KIF21A: variants seen among roughly 807,000 people sequenced by gnomAD.
The protein encoded by KIF21A is kinesin family member 21A.
Under a neutral mutation model 202.9 loss-of-function variants are expected in KIF21A, and 114 were observed. The ratio of observed to expected loss-of-function variants is 0.56; its 90% CI spans 0.48 to 0.66. The LOEUF is 0.66. Among genes scored for constraint, KIF21A ranks in the 30% least tolerant of loss-of-function variants. The pLI is 0.00. For missense variants in KIF21A, 1,677 were observed against 1,994.9 expected (o/e 0.84, Z 3.04); for synonymous variants, 667 against 670.8 (o/e 0.99, Z 0.09).
At chr12:39,392,053 T>G (rs1476269529) in intron 1 of KIF21A, among the ~76,000 whole-genome samples, 1 of 152,050 alleles carries the variant, frequency 6.6e-6, no homozygotes, top group Non-Finnish European at 1.5e-5. Context: ...CTGCAATTTT[T>G]TAAAAGAAGC....
intron 1 of KIF21A, among the ~76,000 whole-genome samples, chr12:39,402,622 C>T (rs555931150): frequency 6.6e-6 from 1 of 152,248 alleles, no homozygotes; most frequent in East Asian, 1.9e-4. Context: ...TTTAATTTTA[C>T]CCAGTAACAT....
intron 1 of KIF21A, among the ~76,000 whole-genome samples, chr12:39,373,954 TG>T (rs1950117242): frequency 6.6e-6 from 1 of 152,146 alleles, no homozygotes; most frequent in Non-Finnish European, 1.5e-5. Context: ...ATCCAAGCAA[TG>T]GCAATTTTCC....
At chr12:39,363,039 A>G in intron 7 of KIF21A, 59 bp downstream of exon 7, 2 of 1,084,006 alleles carry the variant, frequency 1.8e-6, no homozygotes, top group East Asian at 2.4e-5. Flanking sequence ...ATCATCTTAC[A>G]AGCTTATTTA....
In KIF21A at chr12:39,332,949, C is replaced by G; in HGVS notation, c.2646G>C (p.Met882Ile). Residue 882 changes from methionine to isoleucine, a missense_variant, in exon 19 of 38, where the codon ATG (methionine) becomes ATC (isoleucine). Physicochemically the swap from Met to Ile is conservative, Grantham distance 10. Transcript: ENST00000361418. ...CCTGGACTCTCGCCACAGGAATTCT[C>G]ATTTTCTGCTGGGCTCCTGTCCTTG... Reference protein sequence around the residue: ...DASRTGAQQKMRIPVARVQAL... With the variant: ...DASRTGAQQKIRIPVARVQAL... 6.2e-7 allele frequency: 1 copy of G among 1,614,156 alleles called. No individual in the cohort carries two copies. Among genetic ancestry groups the G allele is most frequent in the East Asian group, 2.2e-5 (1 of 44,878 alleles).
chr12:39,311,711 G>T, intron 31 of KIF21A, 158 bp from the exon 32 acceptor site: 1 of 711,074 alleles, frequency 1.4e-6, no homozygotes, highest in South Asian at 1.6e-5. Flanking sequence ...AGGACAAAGT[G>T]TGAAATAATA....
intron 24 of KIF21A, among the ~76,000 whole-genome samples, chr12:39,328,657 G>T (rs1278201501): frequency 6.6e-6 from 1 of 152,120 alleles, no homozygotes; most frequent in Non-Finnish European, 1.5e-5. Context: ...CTACCCTTCA[G>T]TTCCCTCATT....
intron 1 of KIF21A, among the ~76,000 whole-genome samples, chr12:39,439,837 A>T (rs1193946186): frequency 3.3e-5 from 5 of 152,294 alleles, no homozygotes; most frequent in East Asian, 1.9e-4. Context: ...TCTGTTTAAC[A>T]TCTTTCTCCC....
intron 1 of KIF21A, among the ~76,000 whole-genome samples, chr12:39,422,851 A>G (rs1954414985): frequency 6.6e-6 from 1 of 152,082 alleles, no homozygotes; most frequent in Non-Finnish European, 1.5e-5. Flanking sequence ...AAATACTTCC[A>G]CTGTGTTGAA....
At position 39,332,387 on chromosome 12, in the gene KIF21A, T is replaced by C. The variant is rs774269490; in HGVS notation, c.2878A>G (p.Arg960Gly). The change falls in exon 21 of 38, where the codon AGA becomes GGA. Residue 960 changes from arginine (R) to glycine (G), a missense_variant. By Grantham distance (125) the Arg-to-Gly change is moderately radical. Around this residue, in one of 3 missense-constraint regions of KIF21A, gnomAD observed 966 missense variants for 1,180.9 expected, o/e 0.82. Transcript: ENST00000361418. ...LLKQREELTK[R>G]REKLSKRREK... ...CTTCTTTTTGAAAGTTTCTCTCGTCTTTTTGTGAGTTCCTCCCGTTGCTAT... is the reference window on the plus strand; with the variant it reads ...CTTCTTTTTGAAAGTTTCTCTCGTCCTTTTGTGAGTTCCTCCCGTTGCTAT... 1.4e-5 allele frequency: 22 copies of C among 1,613,870 alleles called. No homozygotes were observed. In the South Asian group the frequency reaches 1.8e-4, roughly 13 times the overall value.
At chr12:39,300,182 T>G (rs1942834472) in intron 37 of KIF21A, among the ~76,000 whole-genome samples, 1 of 152,178 alleles carries the variant, frequency 6.6e-6, no homozygotes, top group African/African-American at 2.4e-5. Flanking sequence ...ACAATTACAT[T>G]ACATGTCAAT....
intron 1 of KIF21A, among the ~76,000 whole-genome samples, chr12:39,373,352 C>T (rs529013847): frequency 2.8e-4 from 42 of 152,230 alleles, no homozygotes; most frequent in African/African-American, 1.0e-3. Flanking sequence ...TTCCCAACTC[C>T]TTTACCCGCC....
At chr12:39,366,976 T>C in intron 5 of KIF21A, 54 bp downstream of exon 5, 9 of 1,482,000 alleles carry the variant, frequency 6.1e-6, no homozygotes, top group Non-Finnish European at 8.5e-6. Flanking sequence ...AGAATTCATG[T>C]GGTTTTAGGG....
chr12:39,305,424 G>A (rs976642584), intron 34 of KIF21A, among the ~76,000 whole-genome samples: 1 of 150,262 alleles, frequency 6.7e-6, no homozygotes, highest in Non-Finnish European at 1.5e-5. Flanking sequence ...CCAGGCTGAA[G>A]TGCGGTGGCT....
intron 1 of KIF21A, among the ~76,000 whole-genome samples, chr12:39,381,306 CAAAA>C (rs542073175): frequency 1.5e-5 from 1 of 64,914 alleles, no homozygotes; most frequent in Non-Finnish European, 3.3e-5. Flanking sequence ...GACTCTGTCT[CAAAA>C]AAAAAAAAAA....
chr12:39,311,308 C>T (rs1367654492), intron 32 of KIF21A, 109 bp downstream of exon 32: 16 of 997,622 alleles, frequency 1.6e-5, no homozygotes, highest in Admixed American at 4.3e-5. Flanking sequence ...CCAGATTATC[C>T]GATTCTTTCT....
intron 1 of KIF21A, among the ~76,000 whole-genome samples, chr12:39,412,661 C>T (rs531785874): frequency 3.3e-5 from 5 of 151,916 alleles, no homozygotes; most frequent in Admixed American, 2.6e-4. Flanking sequence ...AAGGTTGCAG[C>T]GAGCTGAGGT....
At chr12:39,344,215 T>C (rs948759190) in intron 12 of KIF21A, among the ~76,000 whole-genome samples, 3 of 152,166 alleles carry the variant, frequency 2.0e-5, no homozygotes, top group African/African-American at 4.8e-5. Flanking sequence ...TATAATATAC[T>C]AGGACTGCTG....
At chr12:39,327,252 TC>T (rs1946044438) in intron 24 of KIF21A, among the ~76,000 whole-genome samples, 1 of 152,194 alleles carries the variant, frequency 6.6e-6, no homozygotes, top group South Asian at 2.1e-4. Context: ...TTGATTCATT[TC>T]TCTCCACAAA....
In KIF21A at chr12:39,416,715, GTATATATGTACATATATATGTGTATA is replaced by G. The variant is rs1953706702; in HGVS notation, c.44+26186_44+26211del. ...TATATATATGTACATATATATGTGT[GTATATATGTACATATATATGTGTATA>G]TATATATGTACATATATATGTGTAT... On this transcript the variant is annotated intron_variant, in intron 1 of 37. Transcript: ENST00000361418. Among the ~76,000 whole-genome samples, 6 of 74,308 alleles carry G rather than the reference GTATATATGTACATATATATGTGTATA, an allele frequency of 8.1e-5. 1 individual carries two copies. The highest frequency in any genetic ancestry group is 4.0e-4 in the East Asian group (1 of 2,528). The allele number at this position is 74,308 out of a possible 152,430, so 48.7% of individuals were successfully genotyped here. A position where few individuals can be genotyped will look rare whatever the true frequency, so the allele number is the denominator to read the frequency against.
Sources: allele counts gnomAD v4.1 joint callset (sites outside exome capture counted in the v4.1 genomes callset), GRCh38; gene constraint gnomAD v4.1.1; regional missense constraint gnomAD v4.1.1; transcripts MANE v1.5; gene names NCBI Gene and HGNC (gene_info 2026-07-23, HGNC 2026-07-21).